The following TCAF1 variants were observed in gnomAD, a reference collection of about 807,000 sequenced individuals.
The protein encoded by TCAF1 is TRPM8 channel associated factor 1, also known as TRPM8 channel-associated factor 1.
In TCAF1, 4 loss-of-function variants were observed where a neutral mutation model predicts 27.3. The observed-to-expected ratio is 0.15, with a 90% CI of 0.07 to 0.34. The LOEUF is 0.34. Ranked by LOEUF, TCAF1 falls within the 10% of genes least tolerant of loss-of-function variation. The pLI is 1.00. For synonymous variants in TCAF1, 105 were observed against 167.1 expected (o/e 0.63, Z 2.87); for missense variants, 257 against 425.8 (o/e 0.60, Z 3.49).
At chr7:143,882,427 G>A in intron 1 of TCAF1, 1 of 985,370 alleles carries the variant, frequency 1.0e-6, no homozygotes, top group Non-Finnish European at 1.2e-6. Flanking sequence ...AGGCCCTCAG[G>A]TAACTCAACC....
Position 143,859,062 on chromosome 7 carries a change from AC to A in TCAF1, c.2266del (p.Val756SerfsTer60). The A allele has an allele frequency of 1.6e-6, 2 of 1,214,030 alleles. No homozygotes were observed. The highest frequency in any genetic ancestry group is 2.4e-6 in the Non-Finnish European group (2 of 820,112). The allele number at this position is 1,214,030 out of a possible 1,614,324, so 75.2% of individuals were successfully genotyped here. A position where few individuals can be genotyped will look rare whatever the true frequency, so the allele number is the denominator to read the frequency against. ...LIRTKGLWGP[V>X]HELGRNQQRQ... ...CTGCTGGTTGCGGCCCAGCTCATGG[AC>A]GGGGCCCCACAGCCCCTTGGTTCTG... On this transcript the variant is annotated frameshift_variant, in exon 7 of 9. Transcript: ENST00000479870. LOFTEE classifies it high-confidence loss of function.
chr7:143,901,385 G>T (rs1173667400), intron 1 of TCAF1, among the ~76,000 whole-genome samples: 1 of 152,180 alleles, frequency 6.6e-6, no homozygotes, highest in Admixed American at 6.5e-5. Flanking sequence ...TTCCGTTGCA[G>T]GTTGGGCCAA....
intron 1 of TCAF1, chr7:143,885,355 T>G (rs933909537): frequency 2.0e-6 from 2 of 983,076 alleles, no homozygotes; most frequent in African/African-American, 1.8e-5. Flanking sequence ...GGAGGTGGGC[T>G]GCAGTGCAGA....
chr7:143,884,011 G>C (rs1320594953), intron 1 of TCAF1, among the ~76,000 whole-genome samples: 2 of 152,132 alleles, frequency 1.3e-5, no homozygotes, highest in Non-Finnish European at 2.9e-5. Context: ...ATTCCTCTGT[G>C]CCTCAGTGTT....
In TCAF1 at chr7:143,875,890, T is replaced by C. The variant is rs75383502; in HGVS notation, c.620+99A>G. The C allele has an allele frequency of 1.3e-3, 1,409 of 1,082,844 alleles. 10 individuals are homozygous for C. The African/African-American group carries it at 0.02, about 15-fold the overall frequency. 67.1% of individuals were successfully genotyped at this position (1,082,844 alleles called of 1,614,324 possible). On this transcript the variant is annotated intron_variant, in intron 2 of 8. Transcript: ENST00000479870. ...TGTAGTGATTCCATATCTGAGTGCC[T>C]GGGAGCACTCTTCTGTTAGCCTTGG...
At chr7:143,875,383 A>C (rs1223556908) in intron 2 of TCAF1, among the ~76,000 whole-genome samples, 1 of 152,198 alleles carries the variant, frequency 6.6e-6, no homozygotes, top group African/African-American at 2.4e-5. Flanking sequence ...CAAAGCAGGC[A>C]GGGCAGTACA....
intron 1 of TCAF1, among the ~76,000 whole-genome samples, chr7:143,889,192 A>G (rs1480212132): frequency 6.6e-6 from 1 of 152,152 alleles, no homozygotes; most frequent in Non-Finnish European, 1.5e-5. Context: ...GAGAAGACCT[A>G]AGACACATCT....
chr7:143,898,067 T>C (rs1190369608), intron 1 of TCAF1, among the ~76,000 whole-genome samples: 2 of 152,130 alleles, frequency 1.3e-5, no homozygotes, highest in East Asian at 3.8e-4. Flanking sequence ...AATTAAATAC[T>C]ATACTTTACT....
intron 1 of TCAF1, among the ~76,000 whole-genome samples, chr7:143,891,535 G>A (rs1249690885): frequency 1.3e-5 from 2 of 152,050 alleles, no homozygotes; most frequent in Non-Finnish European, 2.9e-5. Context: ...CAGAGAATTG[G>A]TGAAGTATAG....
chr7:143,888,331 G>A (rs888448031), intron 1 of TCAF1, among the ~76,000 whole-genome samples: 1 of 152,172 alleles, frequency 6.6e-6, no homozygotes, highest in African/African-American at 2.4e-5. Context: ...AAACCCTGGA[G>A]AATGTATGGG....
At chr7:143,891,393 A>G (rs1813628939) in intron 1 of TCAF1, among the ~76,000 whole-genome samples, 2 of 152,156 alleles carry the variant, frequency 1.3e-5, no homozygotes, top group Admixed American at 6.6e-5. Context: ...GAAATTAGAA[A>G]CAAGGCTGTG....
chr7:143,882,373 T>C, intron 1 of TCAF1: 2 of 985,256 alleles, frequency 2.0e-6, no homozygotes, highest in Non-Finnish European at 2.4e-6. Context: ...GCCCCGGGCC[T>C]TCTCATCCGA....
intron 1 of TCAF1, chr7:143,882,950 G>T: frequency 1.2e-6 from 1 of 860,792 alleles, no homozygotes; most frequent in Non-Finnish European, 1.4e-6. Flanking sequence ...AGCTCCAGGG[G>T]GCGGCGCTTG....
chr7:143,869,268 A>G (rs1812324431), intron 2 of TCAF1, among the ~76,000 whole-genome samples: 1 of 150,378 alleles, frequency 6.6e-6, no homozygotes, highest in African/African-American at 2.4e-5. Flanking sequence ...TGGCCTCCCA[A>G]AGTGCTGGGA....
chr7:143,879,486 G>A (rs1412095068), intron 1 of TCAF1, among the ~76,000 whole-genome samples: 1 of 152,088 alleles, frequency 6.6e-6, no homozygotes, highest in African/African-American at 2.4e-5. Context: ...GAATGTCTGC[G>A]CTCTTTTTCA....
intron 7 of TCAF1, among the ~76,000 whole-genome samples, chr7:143,857,725 CTT>C (rs1414874356): frequency 1.3e-4 from 19 of 149,554 alleles, no homozygotes; most frequent in Non-Finnish European, 2.5e-4. Context: ...GAAAAATCCT[CTT>C]CTCAAGAGTT....
chr7:143,876,615 A>G lies in TCAF1; in HGVS notation c.-7T>C, dbSNP rs748256719. 3 of 1,497,214 alleles carry G rather than the reference A, an allele frequency of 2.0e-6. No individual in the cohort carries two copies. Among genetic ancestry groups the G allele is most frequent in the South Asian group, 1.5e-5 (1 of 66,646 alleles). 92.7% of individuals were successfully genotyped at this position (1,497,214 alleles called of 1,614,324 possible). On this transcript the variant is annotated 5_prime_UTR_variant, in exon 2 of 9. Coordinates refer to ENST00000479870, the MANE Select transcript of TCAF1 (RefSeq NM_014719.3). ...CAGCAGAGGGAGTCGCCATGGCTCT[A>G]TTGGTTTCTGCAGAGAAGAAAGCAA...
intron 1 of TCAF1, among the ~76,000 whole-genome samples, chr7:143,894,587 A>C (rs1357858725): frequency 6.6e-6 from 1 of 151,790 alleles, no homozygotes; most frequent in African/African-American, 2.4e-5. Flanking sequence ...TAAATTATAA[A>C]ACTAAATGTG....
chr7:143,875,293 G>A (rs551711309), intron 2 of TCAF1, among the ~76,000 whole-genome samples: 1 of 152,252 alleles, frequency 6.6e-6, no homozygotes. Context: ...ATGCAGTCAT[G>A]CATGCAAGAG....
Sources: gnomAD v4.1 joint callset for allele counts (sites outside exome capture counted in the v4.1 genomes callset) on GRCh38, gnomAD v4.1.1 for gene constraint, MANE v1.5 for transcripts, NCBI Gene and HGNC (gene_info 2026-07-23, HGNC 2026-07-21) for gene names.